Variants in HOXC4 observed in about 807,000 individuals in gnomAD.
The protein encoded by HOXC4 is homeobox C4, also known as homeobox protein Hox-C4.
A neutral mutation model predicts 25.5 loss-of-function variants in HOXC4; 15 were observed. That is an observed-to-expected ratio of 0.59 (90% CI 0.39 to 0.91). HOXC4 has a LOEUF of 0.91. Ranked by LOEUF, HOXC4 falls within the 40% of genes least tolerant of loss-of-function variation. The pLI, the probability that HOXC4 is intolerant of heterozygous loss-of-function variation, is 0.00. For synonymous variants in HOXC4, 165 were observed against 148.0 expected (o/e 1.11, Z -0.83); for missense variants, 342 against 352.4 (o/e 0.97, Z 0.24).
chr12:54,045,195 C>T (rs1937674755), intron 1 of HOXC4, among the ~76,000 whole-genome samples: 2 of 152,306 alleles, frequency 1.3e-5, no homozygotes, highest in South Asian at 2.1e-4. Context: ...GAGAGCTGAG[C>T]GCTCCCATAG....
Position 54,055,174 on chromosome 12 carries a change from A to T in HOXC4, c.764A>T (p.Gln255Leu), listed in dbSNP as rs751831328. Residue 255 changes from glutamine to leucine, a missense_variant, in exon 2 of 2, where the codon CAG becomes CTG. Transcript: ENST00000430889. ...TCCCAGAGCGCCACGCCGCCGGAGCAGCAACGGGCAGAGGACATTACCAGG... is the reference window on the plus strand; with the variant it reads ...TCCCAGAGCGCCACGCCGCCGGAGCTGCAACGGGCAGAGGACATTACCAGG... ...DHSQSATPPE[Q>L]QRAEDITRL 1 of 1,610,338 alleles carries T rather than the reference A, an allele frequency of 6.2e-7. No homozygotes were observed. The highest frequency in any genetic ancestry group is 1.3e-5 in the African/African-American group (1 of 74,706).
intron 1 of HOXC4, chr12:54,032,878 A>C: frequency 3.4e-6 from 1 of 291,846 alleles, no homozygotes; most frequent in Non-Finnish European, 6.3e-6. Context: ...ACATATCGAG[A>C]TGCTTTTCGC....
chr12:54,052,569 TG>T (rs760468397), upstream of HOXC4, among the ~76,000 whole-genome samples: 14,269 of 125,884 alleles, frequency 0.11, 944 homozygotes, highest in East Asian at 0.4. Context: ...CACCCCTAGC[TG>T]GGGGGGGGGG....
chr12:54,036,032 C>A (rs1046459739), intron 1 of HOXC4, among the ~76,000 whole-genome samples: 6 of 152,044 alleles, frequency 3.9e-5, no homozygotes, highest in African/African-American at 1.4e-4. Flanking sequence ...GGGAAAGGAG[C>A]TGCATAGACC....
At chr12:54,034,131 TGGCCCGCCTGC>T in intron 1 of HOXC4, 1 of 786,928 alleles carries the variant, frequency 1.3e-6, no homozygotes, top group Non-Finnish European at 2.2e-6. Flanking sequence ...TGGGCTGGGC[TGGCCCGCCTGC>T]GGCCCGCGTG....
In HOXC4 at chr12:54,054,004, T is replaced by G. The variant is rs1937907575; in HGVS notation, c.82T>G (p.Tyr28Asp). The change falls in exon 1 of 2, where the codon TAC becomes GAC. Residue 28 changes from tyrosine to aspartate, a missense_variant. By Grantham distance (160) the Tyr-to-Asp change is radical. Coordinates refer to ENST00000430889, the MANE Select transcript of HOXC4 (RefSeq NM_153633.3). ...ATGCGAAGAATATTCGCAAAATAGC[T>G]ACATCCCTGAACACAGTCCGGAATA... ...PPCEEYSQNS[Y>D]IPEHSPEYYG... 6.2e-7 allele frequency: 1 copy of G among 1,613,964 alleles called. No homozygotes were observed. The highest frequency in any genetic ancestry group is 8.5e-7 in the Non-Finnish European group (1 of 1,180,014).
intron 1 of HOXC4, chr12:54,028,920 T>C: frequency 2.5e-6 from 4 of 1,606,026 alleles, no homozygotes; most frequent in Non-Finnish European, 3.4e-6. Context: ...ATTCGCACAG[T>C]GGTGAGTTTT....
upstream of HOXC4, chr12:54,053,256 GC>G (rs759249159): frequency 8.8e-4 from 134 of 152,618 alleles, no homozygotes; most frequent in Non-Finnish European, 1.2e-3. Context: ...TGCCTCGCCG[GC>G]CGCATGGCCA....
chr12:54,051,038 G>A (rs2048793354), upstream of HOXC4, among the ~76,000 whole-genome samples: 1 of 152,064 alleles, frequency 6.6e-6, no homozygotes, highest in South Asian at 2.1e-4. Context: ...TGGCGGGGGT[G>A]GGATGTGACA....
At chr12:54,034,746 C>G (rs527607749) in intron 1 of HOXC4, 205 of 508,298 alleles carry the variant, frequency 4.0e-4, no homozygotes, top group African/African-American at 3.6e-3. Context: ...GGGCAAGCTC[C>G]GCAGGACTTC....
At chr12:54,036,801 T>C (rs1486906544) in intron 1 of HOXC4, among the ~76,000 whole-genome samples, 1 of 152,166 alleles carries the variant, frequency 6.6e-6, no homozygotes, top group Non-Finnish European at 1.5e-5. Context: ...GCGTCTCCGG[T>C]GGGTAACAGT....
intron 1 of HOXC4, among the ~76,000 whole-genome samples, chr12:54,036,904 C>T (rs1187366710): frequency 2.0e-5 from 3 of 152,144 alleles, no homozygotes; most frequent in Non-Finnish European, 4.4e-5. Flanking sequence ...GACAGGCGCA[C>T]CACCCCAGGG....
At chr12:54,023,670 C>G (rs1454349487) in intron 1 of HOXC4, among the ~76,000 whole-genome samples, 1 of 152,152 alleles carries the variant, frequency 6.6e-6, no homozygotes, top group East Asian at 1.9e-4. Context: ...CGGGCCCTGT[C>G]CCCAAAATAT....
intron 1 of HOXC4, chr12:54,028,560 C>T: frequency 6.2e-7 from 1 of 1,614,176 alleles, no homozygotes; most frequent in East Asian, 2.2e-5. Context: ...TATCCTGCCA[C>T]CTCGCCGGGG....
At chr12:54,029,944 G>C in intron 1 of HOXC4, 1 of 1,585,688 alleles carries the variant, frequency 6.3e-7, no homozygotes, top group African/African-American at 1.4e-5. Context: ...AGACAGAAGA[G>C]GAGAAGCAGA....
chr12:54,054,411 G>C (rs1450087596), intron 1 of HOXC4, 50 bp downstream of exon 1: 3 of 1,289,554 alleles, frequency 2.3e-6, no homozygotes, highest in African/African-American at 1.8e-5. Context: ...CTTCCCTAGC[G>C]CTCCCCACCC....
At chr12:54,042,428 CAG>C (rs1941290587) in intron 1 of HOXC4, among the ~76,000 whole-genome samples, 1 of 152,186 alleles carries the variant, frequency 6.6e-6, no homozygotes. Flanking sequence ...GAAACAAAGA[CAG>C]GGGGAGATTG....
chr12:54,038,782 T>C (rs1378121762), intron 1 of HOXC4, among the ~76,000 whole-genome samples: 1 of 152,004 alleles, frequency 6.6e-6, no homozygotes, highest in Non-Finnish European at 1.5e-5. Context: ...GGAGTGTAAT[T>C]GTGTGTTGAA....
At chr12:54,041,893 C>T (rs1197468011) in intron 1 of HOXC4, among the ~76,000 whole-genome samples, 1 of 151,848 alleles carries the variant, frequency 6.6e-6, no homozygotes, top group African/African-American at 2.4e-5. Flanking sequence ...CCCAGGCTGA[C>T]CTCAGGTAAT....
Sources: gnomAD v4.1 joint callset for allele counts (sites outside exome capture counted in the v4.1 genomes callset) on GRCh38, gnomAD v4.1.1 for gene constraint, MANE v1.5 for transcripts, NCBI Gene and HGNC (gene_info 2026-07-23, HGNC 2026-07-21) for gene names.